The following ZNF451 variants were observed in gnomAD, a reference collection of about 807,000 sequenced individuals.
ZNF451 encodes the protein zinc finger protein 451.
Under a neutral mutation model 107.1 loss-of-function variants are expected in ZNF451, and 80 were observed. That is an observed-to-expected ratio of 0.75 (90% confidence interval 0.62 to 0.90). The LOEUF is 0.90. Ranked by LOEUF, ZNF451 falls within the 40% of genes least tolerant of loss-of-function variation. ZNF451 has a pLI of 0.00. For missense variants in ZNF451, 1,107 were observed against 1,236.2 expected, an observed-to-expected ratio of 0.90 and a Z score of 1.57; for synonymous variants, 362 against 406.5, an observed-to-expected ratio of 0.89 and a Z score of 1.32.
At position 57,142,047 on chromosome 6, in the gene ZNF451, C is replaced by T; in HGVS notation, c.956C>T (p.Ala319Val). ...KDVPFQVKCV[A>V]CHKTLRSHME... ...GTTCCCTTTCAAGTTAAGTGTGTGG[C>T]CTGCCACAAGACACTGCGTTCCCAC... The change falls in exon 9 of 15, where the codon GCC becomes GTC. Residue 319 changes from alanine to valine, a missense_variant. Around this residue, in one of 5 missense-constraint regions of ZNF451, gnomAD observed 339 missense variants for 372.8 expected, o/e 0.91. Coordinates refer to ENST00000370706, the MANE Select transcript of ZNF451 (RefSeq NM_001031623.3). The T allele has an allele frequency of 6.2e-7, 1 of 1,613,972 alleles. No homozygotes were observed.
intron 3 of ZNF451, among the ~76,000 whole-genome samples, chr6:57,113,876 C>T (rs1830239753): frequency 6.6e-6 from 1 of 152,160 alleles, no homozygotes; most frequent in African/African-American, 2.4e-5. Flanking sequence ...CCACCTCGGC[C>T]TCCCAAAGTG....
intron 13 of ZNF451, among the ~76,000 whole-genome samples, chr6:57,155,372 G>A (rs968990685): frequency 6.6e-6 from 1 of 152,112 alleles, no homozygotes; most frequent in African/African-American, 2.4e-5. Context: ...TGTAATCCCA[G>A]CTACTCGGGA....
intron 7 of ZNF451, 60 bp from the exon 8 acceptor site, chr6:57,141,242 T>G: frequency 3.0e-6 from 4 of 1,354,514 alleles, no homozygotes; most frequent in Non-Finnish European, 3.9e-6. Context: ...TGAAAGTTTT[T>G]TTCAAGAACT....
At chr6:57,135,433 G>T (rs1476065065) in intron 7 of ZNF451, among the ~76,000 whole-genome samples, 1 of 151,990 alleles carries the variant, frequency 6.6e-6, no homozygotes. Context: ...CAGAAGTAAT[G>T]TATGTTCATT....
Position 57,141,234 on chromosome 6 carries a change from A to G in ZNF451, c.703-68A>G, listed in dbSNP as rs1370241502. 7 of 1,316,056 alleles carry G rather than the reference A, an allele frequency of 5.3e-6. No homozygotes were observed. The Admixed American group carries it at 1.5e-4, about 28-fold the overall frequency. The allele number at this position is 1,316,056 out of a possible 1,614,324, so 81.5% of individuals were successfully genotyped here. A position where few individuals can be genotyped will look rare whatever the true frequency, so the allele number is the denominator to read the frequency against. On this transcript the variant is annotated intron_variant, in intron 7 of 14. Coordinates refer to ENST00000370706, the MANE Select transcript of ZNF451 (RefSeq NM_001031623.3). ...AATAAACAACAAATAGGAAATTTTGAAAGTTTTTTTCAAGAACTTGAGTGT... is the reference window on the plus strand; with the variant it reads ...AATAAACAACAAATAGGAAATTTTGGAAGTTTTTTTCAAGAACTTGAGTGT...
chr6:57,144,735 C>T (rs1426565045), intron 9 of ZNF451, among the ~76,000 whole-genome samples: 2 of 151,988 alleles, frequency 1.3e-5, no homozygotes, highest in African/African-American at 4.8e-5. Context: ...TCGAGACCAG[C>T]CTGGCTAACA....
intron 3 of ZNF451, among the ~76,000 whole-genome samples, chr6:57,122,028 C>CA (rs1438749779): frequency 1.3e-5 from 2 of 151,700 alleles, no homozygotes; most frequent in African/African-American, 4.8e-5. Flanking sequence ...TAAAAATAGA[C>CA]ACGCAGACCA....
Position 57,150,866 on chromosome 6 carries a change from C to T in ZNF451, c.2752+4C>T, listed in dbSNP as rs376898340. The T allele has an allele frequency of 1.2e-4, 190 of 1,613,154 alleles. No homozygotes were observed. The highest frequency in any genetic ancestry group is 1.4e-4 in the Non-Finnish European group (167 of 1,179,822). ...ACATTTATTTGGGGCTTTCAAGGTA[C>T]GGTTAATAAGAAAAACAAAAGAAAA... On this transcript the variant is annotated splice_donor_region_variant and intron_variant, in intron 11 of 14. Transcript: ENST00000370706.
At chr6:57,102,348 T>C in intron 3 of ZNF451, 3 of 1,146,964 alleles carry the variant, frequency 2.6e-6, no homozygotes, top group Non-Finnish European at 3.2e-6. Flanking sequence ...CCTTTATTTC[T>C]GGTCCAAAAA....
At position 57,099,079 on chromosome 6, in the gene ZNF451, G is replaced by C. The variant is rs761897875; in HGVS notation, c.124G>C (p.Val42Leu). 6.2e-7 allele frequency: 1 copy of C among 1,613,758 alleles called. No homozygotes were observed. Among genetic ancestry groups the C allele is most frequent in the Non-Finnish European group, 8.5e-7 (1 of 1,179,756 alleles). ...TTTATAGGAAGGACCATTACGACCT[G>C]TTCTTGAATACATTGATCTGGTCAG... is the stretch of plus-strand genomic sequence containing the variant. ...QFVSEGPLRP[V>L]LEYIDLVSSD... Residue 42 changes from valine to leucine, a missense_variant, in exon 3 of 15, where the codon GTT (valine) becomes CTT (leucine). Physicochemically the swap from Val to Leu is conservative, Grantham distance 32. Coordinates refer to ENST00000370706, the MANE Select transcript of ZNF451 (RefSeq NM_001031623.3).
chr6:57,139,017 TCA>T (rs1188502071), intron 7 of ZNF451, among the ~76,000 whole-genome samples: 1 of 151,972 alleles, frequency 6.6e-6, no homozygotes, highest in African/African-American at 2.4e-5. Flanking sequence ...CATTTATAAC[TCA>T]CAATTAAACT....
At chr6:57,101,389 GGA>G in intron 3 of ZNF451, 1 of 1,550,524 alleles carries the variant, frequency 6.4e-7, no homozygotes, top group Admixed American at 2.0e-5. Context: ...TTCCTTCATG[GGA>G]CACAGGGTAT....
chr6:57,139,723 T>C (rs1316155488), intron 7 of ZNF451, among the ~76,000 whole-genome samples: 1 of 152,200 alleles, frequency 6.6e-6, no homozygotes, highest in African/African-American at 2.4e-5. Context: ...AGAAAAGACA[T>C]ACTTATTTGA....
At chr6:57,127,621 T>C (rs1830991892) in intron 4 of ZNF451, among the ~76,000 whole-genome samples, 2 of 152,202 alleles carry the variant, frequency 1.3e-5, no homozygotes, top group Non-Finnish European at 2.9e-5. Flanking sequence ...CGTTAGGGCA[T>C]GAATTCTAGA....
intron 3 of ZNF451, chr6:57,105,893 T>C (rs1162550935): frequency 1.2e-5 from 12 of 984,450 alleles, no homozygotes; most frequent in Non-Finnish European, 1.4e-5. Flanking sequence ...ATTTAAACTT[T>C]TTTTTTTAAA....
intron 14 of ZNF451, among the ~76,000 whole-genome samples, chr6:57,166,669 TAAACC>T (rs1763912651): frequency 6.6e-6 from 1 of 152,232 alleles, no homozygotes; most frequent in Non-Finnish European, 1.5e-5. Context: ...AGTAAATACA[TAAACC>T]AGTACCAGAG....
At chr6:57,122,737 G>A (rs1830703218) in intron 3 of ZNF451, among the ~76,000 whole-genome samples, 1 of 152,168 alleles carries the variant, frequency 6.6e-6, no homozygotes, top group Admixed American at 6.5e-5. Context: ...ATATTGGCAA[G>A]GTTCTAGAGA....
intron 3 of ZNF451, chr6:57,103,663 G>T (rs773546766): frequency 2.0e-6 from 2 of 985,330 alleles, no homozygotes; most frequent in East Asian, 1.1e-4. Flanking sequence ...TTTATTGACA[G>T]ACTTAATTCT....
At chr6:57,159,581 T>A (rs1763580189) in intron 13 of ZNF451, 1 of 174,842 alleles carries the variant, frequency 5.7e-6, no homozygotes, top group Non-Finnish European at 1.1e-5. Context: ...ATCATTAGCG[T>A]TAGTGTATTT....
Sources: allele counts gnomAD v4.1 joint callset (sites outside exome capture counted in the v4.1 genomes callset), GRCh38; gene constraint gnomAD v4.1.1; regional missense constraint gnomAD v4.1.1; transcripts MANE v1.5; gene names NCBI Gene and HGNC (gene_info 2026-07-23, HGNC 2026-07-21).